The following FRMD6 variants were observed in gnomAD, a reference collection of about 807,000 sequenced individuals.
FRMD6 encodes the protein FERM domain-containing protein 6.
FRMD6 carries 37 observed loss-of-function variants against 73.2 expected under a neutral mutation model. The observed-to-expected ratio is 0.51, with a 90% CI of 0.39 to 0.66. The LOEUF (loss-of-function observed/expected upper bound fraction) is 0.66. Among genes scored for constraint, FRMD6 ranks in the 30% least tolerant of loss-of-function variants. The pLI is 0.00. For missense variants in FRMD6, 714 were observed against 780.5 expected (o/e 0.91, Z 1.02); for synonymous variants, 273 against 282.2 (o/e 0.97, Z 0.33).
chr14:51,651,294 G>A (rs541555244), upstream of FRMD6: 100 of 152,498 alleles, frequency 6.6e-4, 2 homozygotes, highest in Admixed American at 3.3e-4. Flanking sequence ...AAACCCACGA[G>A]GCGCGGCGTC....
intron 1 of FRMD6, among the ~76,000 whole-genome samples, chr14:51,671,676 C>T (rs7155895): frequency 0.79 from 119,612 of 152,076 alleles, 47,315 homozygotes; most frequent in Non-Finnish European, 0.84. Flanking sequence ...GGTGAAATCA[C>T]TGGTGCTTTA....
At chr14:51,459,882 C>CTTTTTTTTTTTTTTTT in the FRMD6 span, among the ~76,000 whole-genome samples, 24 of 23,414 alleles carry the variant, frequency 1.0e-3, no homozygotes, top group African/African-American at 4.4e-3. Flanking sequence ...ATTACTGACT[C>CTTTTTTTTTTTTTTTT]TCTTTTTTTT....
rs577406192 is a variant in FRMD6 at position 51,691,277 on chromosome 14, T to G, written c.99+1342T>G. Among the ~76,000 whole-genome samples, 10 of 152,346 alleles carry G rather than the reference T, an allele frequency of 6.6e-5. No individual in the cohort carries two copies. In the South Asian group the frequency reaches 2.1e-3, roughly 32 times the overall value. ...ACTGTTGATGGATAGATATTGAGTT[T>G]TGGGCTATTGTAAAACTGTTATGAA... is the stretch of plus-strand genomic sequence containing the variant. On this transcript the variant is annotated intron_variant, in intron 2 of 13. Transcript: ENST00000344768.
chr14:51,414,089 C>A, the FRMD6 span, among the ~76,000 whole-genome samples: 1 of 151,930 alleles, frequency 6.6e-6, no homozygotes, highest in Non-Finnish European at 1.5e-5. Context: ...AAAATTTTCT[C>A]CCATTCTGTA....
intron 1 of FRMD6, among the ~76,000 whole-genome samples, chr14:51,677,990 C>T (rs762180587): frequency 6.6e-6 from 1 of 152,110 alleles, no homozygotes; most frequent in Non-Finnish European, 1.5e-5. Context: ...CACATCAAAC[C>T]ACCTGTGGGG....
At chr14:51,634,436 T>C (rs1302414111) in intron 2 of FRMD6, among the ~76,000 whole-genome samples, 1 of 152,214 alleles carries the variant, frequency 6.6e-6, no homozygotes, top group Non-Finnish European at 1.5e-5. Context: ...GAATTATCTC[T>C]ATCCCCTATT....
intron 11 of FRMD6, among the ~76,000 whole-genome samples, chr14:51,721,636 AGGG>A: frequency 1.3e-5 from 1 of 79,186 alleles, no homozygotes; most frequent in Middle Eastern, 5.0e-3. Context: ...AAAGAGAGGG[AGGG>A]AGGGAGGGAA....
intron 3 of FRMD6, among the ~76,000 whole-genome samples, chr14:51,699,423 T>G (rs1270066777): frequency 6.6e-6 from 1 of 152,102 alleles, no homozygotes; most frequent in Non-Finnish European, 1.5e-5. Flanking sequence ...CAACAACTAC[T>G]GCTAGATCCT....
chr14:51,509,759 T>C (rs931951749), intron 1 of FRMD6, among the ~76,000 whole-genome samples: 1 of 151,976 alleles, frequency 6.6e-6, no homozygotes, highest in Non-Finnish European at 1.5e-5. Flanking sequence ...TTTGGGTAGC[T>C]GGGATTACAG....
intron 2 of FRMD6, among the ~76,000 whole-genome samples, chr14:51,580,198 C>T (rs1196566282): frequency 1.3e-5 from 2 of 151,950 alleles, no homozygotes; most frequent in Middle Eastern, 3.2e-3. Flanking sequence ...GGCTACCTCT[C>T]GTGGAATGAA....
intron 2 of FRMD6, among the ~76,000 whole-genome samples, chr14:51,636,180 G>T (rs896431753): frequency 6.6e-6 from 1 of 152,212 alleles, no homozygotes; most frequent in African/African-American, 2.4e-5. Context: ...CGGAGCCAGG[G>T]TTTATATAGG....
chr14:51,581,069 G>A (rs1888694538), intron 2 of FRMD6, among the ~76,000 whole-genome samples: 1 of 152,204 alleles, frequency 6.6e-6, no homozygotes, highest in South Asian at 2.1e-4. Context: ...CAGTACCATA[G>A]AAAGCAGATA....
chr14:51,646,163 A>G (rs1892056408), intron 2 of FRMD6, among the ~76,000 whole-genome samples: 1 of 151,810 alleles, frequency 6.6e-6, no homozygotes, highest in South Asian at 2.1e-4. Context: ...CTAAAAATAC[A>G]GAAAATTTGC....
At chr14:51,672,532 T>G (rs1402213852) in intron 1 of FRMD6, among the ~76,000 whole-genome samples, 1 of 152,220 alleles carries the variant, frequency 6.6e-6, no homozygotes, top group Non-Finnish European at 1.5e-5. Flanking sequence ...ATTGACATGG[T>G]TAAATTCCCA....
At chr14:51,602,647 C>T (rs755542143) in intron 2 of FRMD6, among the ~76,000 whole-genome samples, 21 of 152,038 alleles carry the variant, frequency 1.4e-4, no homozygotes, top group Non-Finnish European at 2.6e-4. Flanking sequence ...GACTGTATGG[C>T]CCAAAAAGCC....
chr14:51,585,959 A>G lies in FRMD6; in HGVS notation c.-147+15549A>G, dbSNP rs1317007589. Among the ~76,000 whole-genome samples, 24 of 51,024 alleles carry G rather than the reference A, an allele frequency of 4.7e-4. 3 individuals are homozygous for G. In the South Asian group the frequency reaches 0.011, roughly 24 times the overall value. The allele number at this position is 51,024 out of a possible 152,430, so 33.5% of individuals were successfully genotyped here. On this transcript the variant is annotated intron_variant, in intron 2 of 14. Transcript: ENST00000356218. ...TGTGTGTATATATATATATATATATATAACATTTTCTTTATCAAACCTTTG... is the reference window on the plus strand; with the variant it reads ...TGTGTGTATATATATATATATATATGTAACATTTTCTTTATCAAACCTTTG...
At chr14:51,416,441 G>C in the FRMD6 span, among the ~76,000 whole-genome samples, 3 of 152,202 alleles carry the variant, frequency 2.0e-5, no homozygotes, top group Non-Finnish European at 2.9e-5. Context: ...AGGTTGTTCA[G>C]TTTCCATGTA....
chr14:51,454,289 A>G, the FRMD6 span, among the ~76,000 whole-genome samples: 10 of 152,250 alleles, frequency 6.6e-5, no homozygotes, highest in African/African-American at 1.9e-4. Context: ...CTGGCATAAA[A>G]GCAATGTATG....
chr14:51,658,730 A>G (rs2140145436), intron 1 of FRMD6, among the ~76,000 whole-genome samples: 1 of 152,328 alleles, frequency 6.6e-6, no homozygotes, highest in Admixed American at 6.5e-5. Context: ...GATTTCACTG[A>G]GAGATCTAAC....
Sources: gnomAD v4.1 joint callset for allele counts (sites outside exome capture counted in the v4.1 genomes callset) on GRCh38, gnomAD v4.1.1 for gene constraint, MANE v1.5 for transcripts, NCBI Gene and HGNC (gene_info 2026-07-23, HGNC 2026-07-21) for gene names.